The following USP25 variants were observed in gnomAD, a reference collection of about 807,000 sequenced individuals.
USP25 encodes the protein ubiquitin carboxyl-terminal hydrolase 25.
In USP25, 85 loss-of-function variants were observed where a neutral mutation model predicts 158.5. That is an observed-to-expected ratio of 0.54 (90% confidence interval 0.45 to 0.64). The LOEUF (loss-of-function observed/expected upper bound fraction) is 0.64. Among genes scored for constraint, USP25 ranks in the 30% least tolerant of loss-of-function variants. The probability of loss-of-function intolerance (pLI) is 0.00; values close to 1 mark genes in which losing one functional copy is unlikely to be tolerated. For synonymous variants in USP25, 464 were observed against 460.4 expected (o/e 1.01, Z -0.10); for missense variants, 1,242 against 1,327.3 (o/e 0.94, Z 1.00).
At chr21:15,817,173 CA>C (rs11334812) in intron 9 of USP25, among the ~76,000 whole-genome samples, 18,188 of 135,884 alleles carry the variant, frequency 0.13, 3,154 homozygotes, top group African/African-American at 0.41. Context: ...TCTAGTTGTT[CA>C]AAAAAAAAAA....
chr21:15,802,002 T>G (rs999439380), intron 6 of USP25, among the ~76,000 whole-genome samples: 1 of 151,528 alleles, frequency 6.6e-6, no homozygotes, highest in Admixed American at 6.6e-5. Context: ...CCTGGAAATA[T>G]AATAATAGAT....
intron 17 of USP25, among the ~76,000 whole-genome samples, chr21:15,838,016 T>TAGAG (rs2038141387): frequency 6.6e-6 from 1 of 151,938 alleles, no homozygotes; most frequent in Non-Finnish European, 1.5e-5. Flanking sequence ...GCTCACTGCC[T>TAGAG]GCCGGGTTCA....
At chr21:15,764,255 A>G (rs763410891) in intron 2 of USP25, among the ~76,000 whole-genome samples, 2 of 150,358 alleles carry the variant, frequency 1.3e-5, no homozygotes, top group Non-Finnish European at 3.0e-5. Context: ...CTTTTTCATT[A>G]TGTATTACTG....
At chr21:15,872,014 GTTTTTTTT>G (rs1158862222) in intron 23 of USP25, among the ~76,000 whole-genome samples, 5 of 71,642 alleles carry the variant, frequency 7.0e-5, no homozygotes, top group Admixed American at 3.3e-4. Context: ...AAGAAATACT[GTTTTTTTT>G]TTTTTTTTTT....
chr21:15,776,488 T>C, intron 3 of USP25, among the ~76,000 whole-genome samples: 1 of 152,190 alleles, frequency 6.6e-6, no homozygotes, highest in African/African-American at 2.4e-5. Flanking sequence ...TCATTAAATA[T>C]ATAATATGCT....
intron 9 of USP25, 137 bp downstream of exon 9, chr21:15,811,347 T>G: frequency 1.4e-6 from 1 of 736,134 alleles, no homozygotes; most frequent in Non-Finnish European, 2.2e-6. Flanking sequence ...GTTGGATTGC[T>G]ACTGTTATTC....
At chr21:15,855,465 G>T (rs1411210000) in intron 20 of USP25, among the ~76,000 whole-genome samples, 2 of 152,100 alleles carry the variant, frequency 1.3e-5, no homozygotes, top group East Asian at 3.9e-4. Context: ...TGAAGAGGAA[G>T]AATTATTTAT....
chr21:15,865,774 A>C (rs902925911), intron 21 of USP25, among the ~76,000 whole-genome samples: 1 of 152,146 alleles, frequency 6.6e-6, no homozygotes, highest in Non-Finnish European at 1.5e-5. Context: ...AGAGTTATGC[A>C]CATGTGAATA....
At chr21:15,871,860 G>T (rs1427800255) in intron 23 of USP25, among the ~76,000 whole-genome samples, 1 of 151,810 alleles carries the variant, frequency 6.6e-6, no homozygotes, top group South Asian at 2.1e-4. Flanking sequence ...ATTGGTGTGT[G>T]TGCGACTGTG....
chr21:15,802,601 GAA>G (rs145288344), intron 6 of USP25, among the ~76,000 whole-genome samples: 3,852 of 151,612 alleles, frequency 0.025, 164 homozygotes, highest in African/African-American at 0.085. Flanking sequence ...TAAGCTGAAT[GAA>G]AATTAAAACA....
rs2034059793 is a variant in USP25 at position 15,766,725 on chromosome 21, A to G, written c.268+584A>G. On this transcript the variant is annotated intron_variant, in intron 3 of 25. Coordinates refer to ENST00000400183, the MANE Select transcript of USP25 (RefSeq NM_001283041.3). The surrounding 1 kb of genome is among the most constrained non-coding windows in gnomAD (Gnocchi z 4.0). ...TTAAGTTTTTCTTCATAATATGAAT[A>G]CTTTATACTTATGTAGCGCACAGTT... 6.6e-6 allele frequency among the ~76,000 whole-genome samples: 1 copy of G among 152,094 alleles called. No individual in the cohort carries two copies. Among genetic ancestry groups the G allele is most frequent in the South Asian group, 2.1e-4 (1 of 4,836 alleles).
intron 3 of USP25, among the ~76,000 whole-genome samples, chr21:15,772,725 A>G (rs545243446): frequency 1.6e-4 from 24 of 152,348 alleles, no homozygotes; most frequent in African/African-American, 5.5e-4. Flanking sequence ...TATTCCACTA[A>G]GTCCAGAAAA....
rs1450565418 is a variant in USP25 at position 15,825,200 on chromosome 21, C to T, written c.1304+139C>T. ...ATTGTGTGAATAGTTTTGAGTTTTG[C>T]TTGAAACTAAAAATCTATAGTAGAC... On this transcript the variant is annotated intron_variant, in intron 12 of 25. Coordinates refer to ENST00000400183, the MANE Select transcript of USP25 (RefSeq NM_001283041.3). 5.0e-6 allele frequency: 3 copies of T among 604,446 alleles called. No individual in the cohort carries two copies. The African/African-American group carries it at 5.8e-5, about 12-fold the overall frequency. 37.4% of individuals were successfully genotyped at this position (604,446 alleles called of 1,614,324 possible).
Position 15,847,756 on chromosome 21 carries a change from G to A in USP25, c.2431G>A (p.Glu811Lys), listed in dbSNP as rs546622058. Residue 811 changes from glutamate to lysine, a missense_variant, in exon 19 of 26, where the codon GAG becomes AAG. By Grantham distance (56) the Glu-to-Lys change is moderately conservative. Transcript: ENST00000400183. ...HVGKFMIESKEGGYDDEIMMT... is the reference protein window; with the variant it reads ...HVGKFMIESKKGGYDDEIMMT... ...AGGGAAATTTATGATTGAATCAAAG[G>A]AGGGGGGGTATGATGACGAGGTACC... 2.7e-5 allele frequency: 42 copies of A among 1,549,658 alleles called. No homozygotes were observed. In the South Asian group the frequency reaches 4.4e-4, roughly 16 times the overall value.
At chr21:15,805,080 T>C in intron 6 of USP25, 41 bp from the exon 7 acceptor site, 1 of 1,533,686 alleles carries the variant, frequency 6.5e-7, no homozygotes, top group Non-Finnish European at 8.7e-7. Flanking sequence ...TTCTTAATCT[T>C]CAGTTAAGGT....
chr21:15,745,759 A>C (rs1000974044), intron 1 of USP25, among the ~76,000 whole-genome samples: 14 of 152,228 alleles, frequency 9.2e-5, no homozygotes, highest in African/African-American at 3.4e-4. Flanking sequence ...TACAGGCGTG[A>C]GCCACCACGC....
intron 18 of USP25, among the ~76,000 whole-genome samples, chr21:15,847,157 A>T (rs1181620006): frequency 6.6e-6 from 1 of 152,192 alleles, no homozygotes; most frequent in South Asian, 2.1e-4. Context: ...AAGGAAAAAA[A>T]CCCTACAAAT....
intron 7 of USP25, among the ~76,000 whole-genome samples, chr21:15,807,577 T>G (rs1229112909): frequency 6.6e-6 from 1 of 152,176 alleles, no homozygotes; most frequent in African/African-American, 2.4e-5. Context: ...GAGAATCCTT[T>G]GCTTCCACCG....
At chr21:15,841,731 G>A (rs1791108832) in intron 17 of USP25, among the ~76,000 whole-genome samples, 2 of 152,156 alleles carry the variant, frequency 1.3e-5, no homozygotes, top group Admixed American at 6.6e-5. Context: ...TGGAGACAGA[G>A]ACTGGCTGCT....
Sources: allele counts gnomAD v4.1 joint callset (sites outside exome capture counted in the v4.1 genomes callset), GRCh38; gene constraint gnomAD v4.1.1; non-coding constraint Gnocchi (gnomAD v3.1); transcripts MANE v1.5; gene names NCBI Gene and HGNC (gene_info 2026-07-23, HGNC 2026-07-21).